UROC1: variants seen among roughly 807,000 people sequenced by gnomAD.
The protein encoded by UROC1 is urocanate hydratase.
A neutral mutation model predicts 89.5 loss-of-function variants in UROC1; 79 were observed. The observed-to-expected ratio is 0.88, with a 90% CI of 0.74 to 1.06. The LOEUF is 1.06. UROC1 is among the 50% of genes least tolerant of loss of function. UROC1 has a pLI of 0.00. For synonymous variants in UROC1, 361 were observed against 354.8 expected, an observed-to-expected ratio of 1.02 and a Z score of -0.20; for missense variants, 885 against 907.8, an observed-to-expected ratio of 0.97 and a Z score of 0.32.
chr3:126,503,161 A>G (rs1262079301), intron 9 of UROC1, among the ~76,000 whole-genome samples: 1 of 152,172 alleles, frequency 6.6e-6, no homozygotes, highest in Non-Finnish European at 1.5e-5. Flanking sequence ...TTGATGAAAA[A>G]TTATCTGAGA....
At chr3:126,486,394 T>A (rs1227732765) in intron 18 of UROC1, among the ~76,000 whole-genome samples, 1 of 152,208 alleles carries the variant, frequency 6.6e-6, no homozygotes, top group Non-Finnish European at 1.5e-5. Flanking sequence ...CTTGATCTCT[T>A]GCACTCTGTG....
chr3:126,493,028 G>A (rs1935690006), intron 15 of UROC1, among the ~76,000 whole-genome samples: 1 of 152,142 alleles, frequency 6.6e-6, no homozygotes, highest in Non-Finnish European at 1.5e-5. Context: ...CCCAAGAGGT[G>A]GAGCCACCTG....
chr3:126,502,488 G>A (rs1001417417), intron 9 of UROC1, among the ~76,000 whole-genome samples: 7 of 150,516 alleles, frequency 4.7e-5, no homozygotes, highest in African/African-American at 1.7e-4. Context: ...CATACGTATT[G>A]TGTTTATGCA....
chr3:126,489,980 G>A (rs958902832), intron 16 of UROC1, among the ~76,000 whole-genome samples: 1 of 152,130 alleles, frequency 6.6e-6, no homozygotes, highest in African/African-American at 2.4e-5. Context: ...CCCCTGACCT[G>A]TGCAATAGAG....
chr3:126,506,304 T>G (rs1799388), intron 6 of UROC1, among the ~76,000 whole-genome samples: 1 of 152,200 alleles, frequency 6.6e-6, no homozygotes. Flanking sequence ...TCCAGCTGAA[T>G]GTGTGCAGCA....
intron 4 of UROC1, 63 bp from the exon 5 acceptor site, chr3:126,508,158 C>G (rs1936113741): frequency 1.9e-6 from 3 of 1,611,566 alleles, no homozygotes; most frequent in Admixed American, 1.7e-5. Flanking sequence ...CCCAGCCCCA[C>G]ACCACCGTCC....
chr3:126,505,999 C>G lies in UROC1; in HGVS notation c.615G>C (p.Met205Ile), dbSNP rs899567669. The change falls in exon 7 of 20, where the codon ATG becomes ATC. Residue 205 changes from methionine (M) to isoleucine (I), a missense_variant. Transcript: ENST00000290868. ...FALGVTMYGQ[M>I]TAGSYCYIGP... ...CGATGTAGCAGTAGCTACCTGCTGT[C>G]ATCTGGCCGTACCTGACCACAGGGA... 9 of 1,613,330 alleles carry G rather than the reference C, an allele frequency of 5.6e-6. No homozygotes were observed. The highest frequency in any genetic ancestry group is 3.3e-5 in the Admixed American group (2 of 60,002).
intron 8 of UROC1, 72 bp downstream of exon 8, chr3:126,505,629 G>C (rs1233070379): frequency 6.3e-7 from 1 of 1,582,428 alleles, no homozygotes; most frequent in Non-Finnish European, 8.6e-7. Context: ...AAGTGATCCG[G>C]GAGGAAGAAG....
chr3:126,490,551 G>A (rs1376082625), intron 16 of UROC1, among the ~76,000 whole-genome samples: 1 of 152,152 alleles, frequency 6.6e-6, no homozygotes, highest in South Asian at 2.1e-4. Flanking sequence ...CAGGTGTTGT[G>A]GTGCACGCCT....
intron 14 of UROC1, 32 bp downstream of exon 14, chr3:126,498,019 C>A (rs1404247101): frequency 1.9e-6 from 3 of 1,613,580 alleles, no homozygotes; most frequent in Admixed American, 3.3e-5. Flanking sequence ...GGGGGGCCAC[C>A]CACCCATGGG....
In UROC1 at chr3:126,488,220, G is replaced by A; in HGVS notation, c.1768C>T (p.His590Tyr). ...TACCAGCCCACGCCCCCTCCGTTGT[G>A]AAGGGCGACCCAGGTGGCTCCGCGA... ...ACRGATWVAL[H>Y]NGGGVGWGEV... is the part of the protein sequence containing the mutation. Residue 590 changes from histidine to tyrosine, a missense_variant, in exon 18 of 20, where the codon CAC becomes TAC. Physicochemically the swap from His to Tyr is moderately conservative, Grantham distance 83 (BLOSUM62 2). Transcript: ENST00000290868. The A allele has an allele frequency of 6.2e-7, 1 of 1,614,222 alleles. No homozygotes were observed. The highest frequency in any genetic ancestry group is 8.5e-7 in the Non-Finnish European group (1 of 1,180,040).
chr3:126,508,149 C>A (rs1936113320), intron 4 of UROC1, 54 bp from the exon 5 acceptor site: 2 of 1,612,152 alleles, frequency 1.2e-6, no homozygotes, highest in East Asian at 4.5e-5. Flanking sequence ...CACCCCACAC[C>A]CAGCCCCACA....
At chr3:126,490,483 C>T (rs924785059) in intron 16 of UROC1, among the ~76,000 whole-genome samples, 2 of 152,104 alleles carry the variant, frequency 1.3e-5, no homozygotes, top group Non-Finnish European at 1.5e-5. Context: ...GTCAGGAGTT[C>T]GAGACCAGCC....
At chr3:126,496,736 A>G (rs954283348) in intron 14 of UROC1, among the ~76,000 whole-genome samples, 4 of 152,246 alleles carry the variant, frequency 2.6e-5, no homozygotes, top group Non-Finnish European at 5.9e-5. Context: ...GGTTAACATA[A>G]ATATCATTAA....
chr3:126,500,872 TC>T lies in UROC1; in HGVS notation c.967del (p.Glu323SerfsTer61), dbSNP rs1935903794. On this transcript the variant is annotated frameshift_variant and splice_region_variant, in exon 11 of 20. Transcript: ENST00000290868. LOFTEE classifies it high-confidence loss of function. Reference protein sequence around the residue: ...GYHGNVVALWERLVHELDTTG... With the variant: ...GYHGNVVALWXRLVHELDTTG... Reference sequence around the variant, plus strand: ...CGTGTCCAATTCGTGGACCAGGCGCTCCCTGGGGAAGCCATGCGGTGGTCAG... The same window carrying T: ...CGTGTCCAATTCGTGGACCAGGCGCTCCTGGGGAAGCCATGCGGTGGTCAG... 1 of 1,613,382 alleles carries T rather than the reference TC, an allele frequency of 6.2e-7. No individual in the cohort carries two copies. The highest frequency in any genetic ancestry group is 1.3e-5 in the African/African-American group (1 of 74,868).
chr3:126,488,285 G>A lies in UROC1; in HGVS notation c.1709-6C>T. The A allele has an allele frequency of 6.2e-7, 1 of 1,614,244 alleles. No homozygotes were observed. The highest frequency in any genetic ancestry group is 8.5e-7 in the Non-Finnish European group (1 of 1,180,032). The stretch of plus-strand genomic sequence containing the variant: ...GAAGTTCTGCACAGCCATGTCTGCG[G>A]AAATAGAGACGCCTCTGCTCATCAC... On this transcript the variant is annotated splice_polypyrimidine_tract_variant and splice_region_variant and intron_variant, in intron 17 of 19. Coordinates refer to ENST00000290868, the MANE Select transcript of UROC1 (RefSeq NM_144639.3).
intron 16 of UROC1, among the ~76,000 whole-genome samples, chr3:126,490,206 A>C (rs1935610578): frequency 6.6e-6 from 1 of 152,152 alleles, no homozygotes. Context: ...TTGATTTTTT[A>C]ATACACTCAT....
chr3:126,507,626 G>T, intron 6 of UROC1, 116 bp downstream of exon 6: 1 of 1,071,144 alleles, frequency 9.3e-7, no homozygotes, highest in Non-Finnish European at 1.4e-6. Context: ...AATTAATTAT[G>T]CTACAGTTCT....
intron 4 of UROC1, 56 bp downstream of exon 4, chr3:126,508,360 G>A (rs1936118026): frequency 1.3e-6 from 2 of 1,563,092 alleles, no homozygotes; most frequent in African/African-American, 1.4e-5. Context: ...CTAGGCCAGA[G>A]GACCAGACTA....
Sources: gnomAD v4.1 joint callset for allele counts (sites outside exome capture counted in the v4.1 genomes callset) on GRCh38, gnomAD v4.1.1 for gene constraint, MANE v1.5 for transcripts, NCBI Gene and HGNC (gene_info 2026-07-23, HGNC 2026-07-21) for gene names.